STEAP3: variants seen among roughly 807,000 people sequenced by gnomAD.
STEAP3 encodes metalloreductase STEAP3.
A neutral mutation model predicts 34.9 loss-of-function variants in STEAP3; 35 were observed. That is an observed-to-expected ratio of 1.00 (90% CI 0.76 to 1.33). The LOEUF (loss-of-function observed/expected upper bound fraction) is 1.33, where lower values mean the gene tolerates loss of function less well. Among genes scored for constraint, STEAP3 ranks in the 40% most tolerant of loss-of-function variants. The probability of loss-of-function intolerance (pLI) is 0.00; values close to 1 mark genes in which losing one functional copy is unlikely to be tolerated. For missense variants in STEAP3, 652 were observed against 667.6 expected, an observed-to-expected ratio of 0.98 and a Z score of 0.26; for synonymous variants, 281 against 301.6, an observed-to-expected ratio of 0.93 and a Z score of 0.71.
intron 2 of STEAP3, among the ~76,000 whole-genome samples, chr2:119,231,884 C>T (rs1676950347): frequency 6.6e-6 from 1 of 152,002 alleles, no homozygotes; most frequent in Non-Finnish European, 1.5e-5. Context: ...AGCTTTTAAA[C>T]CATGATTTGA....
chr2:119,254,364 G>GC (rs1677712620), intron 4 of STEAP3, among the ~76,000 whole-genome samples: 1 of 152,092 alleles, frequency 6.6e-6, no homozygotes, highest in Non-Finnish European at 1.5e-5. Context: ...AGCCCCAGGA[G>GC]CCCCGGTCAT....
intron 2 of STEAP3, among the ~76,000 whole-genome samples, chr2:119,236,693 C>A (rs1234747273): frequency 6.6e-6 from 1 of 152,182 alleles, no homozygotes; most frequent in Non-Finnish European, 1.5e-5. Context: ...CAGCTGTGTG[C>A]ATGTTTCCAC....
intron 1 of STEAP3, among the ~76,000 whole-genome samples, chr2:119,227,819 T>TATTC (rs1392238063): frequency 6.6e-6 from 1 of 150,726 alleles, no homozygotes; most frequent in Admixed American, 6.6e-5. Flanking sequence ...TGTATTTATT[T>TATTC]ATTTATTTAT....
intron 5 of STEAP3, 80 bp downstream of exon 5, chr2:119,254,928 A>T: frequency 2.0e-6 from 3 of 1,514,734 alleles, no homozygotes; most frequent in South Asian, 2.5e-5. Context: ...TGCCTTTGAG[A>T]ACTGCCTGGG....
At chr2:119,231,537 T>C (rs969309201) in intron 2 of STEAP3, among the ~76,000 whole-genome samples, 1 of 152,142 alleles carries the variant, frequency 6.6e-6, no homozygotes, top group African/African-American at 2.4e-5. Context: ...GATTCGAAAA[T>C]CTAGCTGTTT....
chr2:119,226,727 C>T (rs1679052408), intron 1 of STEAP3, among the ~76,000 whole-genome samples: 1 of 152,172 alleles, frequency 6.6e-6, no homozygotes, highest in East Asian at 1.9e-4. Context: ...ACCGTCACAT[C>T]CTTGGCATGC....
intron 4 of STEAP3, among the ~76,000 whole-genome samples, chr2:119,251,802 C>T (rs376861124): frequency 2.6e-5 from 4 of 152,200 alleles, no homozygotes; most frequent in African/African-American, 9.7e-5. Context: ...TTGGAACGCC[C>T]ACCCCAGGAC....
chr2:119,257,774 C>T, intron 5 of STEAP3: 1 of 1,296,034 alleles, frequency 7.7e-7, no homozygotes, highest in Non-Finnish European at 9.8e-7. Flanking sequence ...CACATGTCCA[C>T]AGCAGACACC....
intron 5 of STEAP3, among the ~76,000 whole-genome samples, chr2:119,260,377 A>G (rs918722215): frequency 1.5e-4 from 22 of 146,174 alleles, no homozygotes; most frequent in African/African-American, 5.4e-4. Context: ...CAATGGCGTG[A>G]TTTTGGCTCA....
At chr2:119,253,879 T>C (rs1358347537) in intron 4 of STEAP3, among the ~76,000 whole-genome samples, 3 of 152,164 alleles carry the variant, frequency 2.0e-5, no homozygotes, top group Non-Finnish European at 4.4e-5. Flanking sequence ...TTATTTTCTG[T>C]AGCCCAGGGC....
intron 1 of STEAP3, among the ~76,000 whole-genome samples, chr2:119,230,224 T>A (rs906211381): frequency 5.9e-5 from 9 of 152,184 alleles, no homozygotes; most frequent in African/African-American, 2.2e-4. Flanking sequence ...ACCTCCAGCC[T>A]CCTTTGGGCT....
intron 1 of STEAP3, among the ~76,000 whole-genome samples, chr2:119,229,674 A>G (rs552087090): frequency 2.8e-4 from 43 of 152,072 alleles, no homozygotes; most frequent in Admixed American, 4.6e-4. Flanking sequence ...AGAGATTGTC[A>G]GGGGTGGGCG....
chr2:119,256,034 G>C (rs917717314), intron 5 of STEAP3, among the ~76,000 whole-genome samples: 9 of 152,206 alleles, frequency 5.9e-5, no homozygotes. Flanking sequence ...CCATGAGTGG[G>C]AGCTGACTAA....
At chr2:119,248,350 C>G in intron 4 of STEAP3, 144 bp downstream of exon 4, 1 of 894,696 alleles carries the variant, frequency 1.1e-6, no homozygotes, top group Non-Finnish European at 1.7e-6. Context: ...AATGGGGCAG[C>G]ACCCACATCC....
At chr2:119,228,297 G>A (rs912682713) in intron 1 of STEAP3, among the ~76,000 whole-genome samples, 1 of 152,220 alleles carries the variant, frequency 6.6e-6, no homozygotes, top group Non-Finnish European at 1.5e-5. Flanking sequence ...CAGTGGCTGT[G>A]AGCTGGGCCC....
chr2:119,227,530 A>C (rs539671878), intron 1 of STEAP3, among the ~76,000 whole-genome samples: 4 of 152,212 alleles, frequency 2.6e-5, no homozygotes, highest in African/African-American at 9.7e-5. Context: ...ATTGTTCCGC[A>C]ATCAGGCTGT....
chr2:119,241,361 G>A (rs554746192), intron 2 of STEAP3, among the ~76,000 whole-genome samples: 11 of 152,252 alleles, frequency 7.2e-5, no homozygotes, highest in South Asian at 2.1e-4. Context: ...AAGTGGCTCC[G>A]TCCCTACATC....
chr2:119,261,447 G>A lies in STEAP3; in HGVS notation c.1216-1610G>A, dbSNP rs925928750. On this transcript the variant is annotated intron_variant, in intron 5 of 5. Coordinates refer to ENST00000393110, the MANE Select transcript of STEAP3 (RefSeq NM_182915.3). Reference sequence around the variant, plus strand: ...CTATTTCCATCCCTGTGTAATAGACGTGGGAGGTCTCTCCCAAAGCTCTCA... The same window carrying A: ...CTATTTCCATCCCTGTGTAATAGACATGGGAGGTCTCTCCCAAAGCTCTCA... Among the ~76,000 whole-genome samples the A allele has an allele frequency of 5.9e-5, 9 of 152,076 alleles. No individual in the cohort carries two copies. In the East Asian group the frequency reaches 1.4e-3, roughly 23 times the overall value.
chr2:119,241,167 C>T (rs1341267483), intron 2 of STEAP3, among the ~76,000 whole-genome samples: 1 of 151,870 alleles, frequency 6.6e-6, no homozygotes, highest in East Asian at 1.9e-4. Context: ...CTCATTTCAT[C>T]CTCAAACAGT....
Sources: gnomAD v4.1 joint callset for allele counts (sites outside exome capture counted in the v4.1 genomes callset) on GRCh38, gnomAD v4.1.1 for gene constraint, MANE v1.5 for transcripts, NCBI Gene and HGNC (gene_info 2026-07-23, HGNC 2026-07-21) for gene names.